The following CCSER2 variants were observed in gnomAD, a reference collection of about 807,000 sequenced individuals.
The protein encoded by CCSER2 is coiled-coil serine rich protein 2.
A neutral mutation model predicts 92.3 loss-of-function variants in CCSER2; 46 were observed. The observed-to-expected ratio is 0.50, with a 90% CI of 0.39 to 0.64. The LOEUF (loss-of-function observed/expected upper bound fraction) is 0.64, where lower values mean the gene tolerates loss of function less well. Ranked by LOEUF, CCSER2 falls within the 30% of genes least tolerant of loss-of-function variation. The pLI, the probability that CCSER2 is intolerant of heterozygous loss-of-function variation, is 0.00. For synonymous variants in CCSER2, 433 were observed against 431.4 expected (o/e 1.00, Z -0.04); for missense variants, 1,244 against 1,238.9 (o/e 1.00, Z -0.06).
At chr10:84,445,056 T>C (rs1305404953) in intron 6 of CCSER2, among the ~76,000 whole-genome samples, 1 of 152,224 alleles carries the variant, frequency 6.6e-6, no homozygotes, top group Non-Finnish European at 1.5e-5. Flanking sequence ...CTCTGTATAG[T>C]TTATTGCCTG....
At position 84,429,085 on chromosome 10, in the gene CCSER2, A is replaced by G. The variant is rs919155749; in HGVS notation, c.1868+3192A>G. ...CTTGAGATATCCTTGTCTTGTTTTG[A>G]TATCAGGACCACACAGATTGAATTG... is the stretch of plus-strand genomic sequence containing the variant. On this transcript the variant is annotated intron_variant, in intron 5 of 9. Coordinates refer to ENST00000372088, the MANE Select transcript of CCSER2 (RefSeq NM_001284240.2). 4.0e-5 allele frequency among the ~76,000 whole-genome samples: 6 copies of G among 150,452 alleles called. No individual in the cohort carries two copies. In the East Asian group the frequency reaches 7.8e-4, roughly 19 times the overall value.
chr10:84,352,144 T>A (rs201346299), intron 1 of CCSER2, among the ~76,000 whole-genome samples: 7 of 148,998 alleles, frequency 4.7e-5, no homozygotes. Flanking sequence ...ACTAAAAATA[T>A]AAAAAAAAAA....
At chr10:84,351,528 A>G (rs1323196700) in intron 1 of CCSER2, among the ~76,000 whole-genome samples, 1 of 152,010 alleles carries the variant, frequency 6.6e-6, no homozygotes, top group African/African-American at 2.4e-5. Context: ...GTGTGCCACC[A>G]TGTCTGGCTT....
chr10:84,411,518 A>G (rs1842648254), intron 3 of CCSER2, among the ~76,000 whole-genome samples: 1 of 152,022 alleles, frequency 6.6e-6, no homozygotes. Context: ...GAGGTTCTTT[A>G]CTTCCATTGT....
At chr10:84,477,735 C>A in intron 9 of CCSER2, 71 bp downstream of exon 9, 1 of 818,238 alleles carries the variant, frequency 1.2e-6, no homozygotes. Flanking sequence ...ACTCTTTTTA[C>A]AGCAATCTCT....
intron 1 of CCSER2, among the ~76,000 whole-genome samples, chr10:84,347,071 C>T (rs1014537931): frequency 6.6e-6 from 1 of 152,160 alleles, no homozygotes; most frequent in Non-Finnish European, 1.5e-5. Context: ...GGACACAGCA[C>T]ATGTTTCAGA....
chr10:84,470,976 A>G (rs1419044642), intron 8 of CCSER2, among the ~76,000 whole-genome samples: 2 of 152,104 alleles, frequency 1.3e-5, no homozygotes, highest in Middle Eastern at 3.2e-3. Flanking sequence ...TATTAGTCTC[A>G]TATGAAAACA....
chr10:84,497,185 T>C (rs915326986), intron 9 of CCSER2, among the ~76,000 whole-genome samples: 1 of 152,194 alleles, frequency 6.6e-6, no homozygotes, highest in Non-Finnish European at 1.5e-5. Context: ...TAAACAAGAA[T>C]GATCATAATT....
At chr10:84,410,002 G>T (rs1369015761) in intron 3 of CCSER2, among the ~76,000 whole-genome samples, 1 of 152,070 alleles carries the variant, frequency 6.6e-6, no homozygotes, top group South Asian at 2.1e-4. Flanking sequence ...ACATGTAAGT[G>T]AGAACGTGCG....
intron 3 of CCSER2, among the ~76,000 whole-genome samples, chr10:84,386,974 C>T (rs1022432377): frequency 9.9e-5 from 15 of 152,096 alleles, no homozygotes; most frequent in African/African-American, 3.4e-4. Context: ...TGAAAAATTA[C>T]CTATTGGGTA....
At chr10:84,461,349 T>A (rs1244770839) in intron 6 of CCSER2, among the ~76,000 whole-genome samples, 1 of 152,220 alleles carries the variant, frequency 6.6e-6, no homozygotes, top group African/African-American at 2.4e-5. Context: ...TTCACCAAAT[T>A]CGGGGTGTGT....
intron 6 of CCSER2, among the ~76,000 whole-genome samples, chr10:84,442,824 CCACACATTTACATTTA>C (rs1844658852): frequency 2.0e-5 from 3 of 152,032 alleles, no homozygotes; most frequent in Admixed American, 2.0e-4. Context: ...AGAAATAATG[CCACACATTTACATTTA>C]CACACATTTA....
At chr10:84,442,202 T>TAA (rs35597705) in intron 6 of CCSER2, among the ~76,000 whole-genome samples, 1 of 151,992 alleles carries the variant, frequency 6.6e-6, no homozygotes, top group Non-Finnish European at 1.5e-5. Flanking sequence ...GTAAGAAAAG[T>TAA]TGAGATCTCT....
rs2131894954 is a variant in CCSER2, at chr10:84,515,239, G to A, written c.*972G>A. ...ATCTGAAGACTGAAATAATGAACTTGAAACATTTGCACAAAACTTTGATGG... is the reference window on the plus strand; with the variant it reads ...ATCTGAAGACTGAAATAATGAACTTAAAACATTTGCACAAAACTTTGATGG... On this transcript the variant is annotated 3_prime_UTR_variant, in exon 10 of 10. Coordinates refer to ENST00000372088, the MANE Select transcript of CCSER2 (RefSeq NM_001284240.2). The A allele has an allele frequency of 6.6e-6, 1 of 152,574 alleles. No individual in the cohort carries two copies. Among genetic ancestry groups the A allele is most frequent in the East Asian group, 1.9e-4 (1 of 5,180 alleles). 9.5% of individuals were successfully genotyped at this position (152,574 alleles called of 1,614,324 possible).
intron 1 of CCSER2, among the ~76,000 whole-genome samples, chr10:84,342,816 A>G (rs12773282): frequency 0.058 from 8,873 of 152,284 alleles, 372 homozygotes; most frequent in Admixed American, 0.1. Flanking sequence ...TGAACCTTAG[A>G]CCATCATGCC....
chr10:84,375,943 T>G (rs973152491), intron 3 of CCSER2, among the ~76,000 whole-genome samples: 1 of 151,948 alleles, frequency 6.6e-6, no homozygotes, highest in African/African-American at 2.4e-5. Context: ...CTCACTTTTC[T>G]TGTCTCTGCA....
chr10:84,486,429 T>G (rs1370312281), intron 9 of CCSER2, among the ~76,000 whole-genome samples: 1 of 152,154 alleles, frequency 6.6e-6, no homozygotes, highest in Non-Finnish European at 1.5e-5. Context: ...TTTTAATGAT[T>G]GCCATTCTAA....
intron 9 of CCSER2, among the ~76,000 whole-genome samples, chr10:84,489,893 A>G (rs920036161): frequency 9.2e-5 from 14 of 152,038 alleles, no homozygotes; most frequent in African/African-American, 3.4e-4. Flanking sequence ...GTTCCTTTCC[A>G]TGTTTAGTGC....
At chr10:84,487,407 T>C (rs565449427) in intron 9 of CCSER2, among the ~76,000 whole-genome samples, 1 of 152,342 alleles carries the variant, frequency 6.6e-6, no homozygotes, top group South Asian at 2.1e-4. Flanking sequence ...GTTAGTGTCC[T>C]CTTTTATTTC....
Sources: gnomAD v4.1 joint callset for allele counts (sites outside exome capture counted in the v4.1 genomes callset) on GRCh38, gnomAD v4.1.1 for gene constraint, MANE v1.5 for transcripts, NCBI Gene and HGNC (gene_info 2026-07-23, HGNC 2026-07-21) for gene names.